The following SHLD1 variants were observed in gnomAD, a reference collection of about 807,000 sequenced individuals.
SHLD1 encodes shieldin complex subunit 1, also known as RINN1-REV7-interacting novel NHEJ regulator 3.
SHLD1 carries 3 observed loss-of-function variants against 5.5 expected under a neutral mutation model. The observed-to-expected ratio is 0.54, with a 90% confidence interval of 0.25 to 1.40. SHLD1 has a LOEUF of 1.40. SHLD1 is among the 40% of genes most tolerant of loss of function. The probability of loss-of-function intolerance (pLI) is 0.15; values close to 1 mark genes in which losing one functional copy is unlikely to be tolerated. For missense variants in SHLD1, 210 were observed against 244.4 expected, an observed-to-expected ratio of 0.86 and a Z score of 0.94; for synonymous variants, 92 against 94.3, an observed-to-expected ratio of 0.98 and a Z score of 0.14.
intron 2 of SHLD1, among the ~76,000 whole-genome samples, chr20:5,838,522 A>G (rs1316282453): frequency 1.3e-5 from 2 of 152,218 alleles, no homozygotes; most frequent in African/African-American, 4.8e-5. Context: ...ACACTTTGGG[A>G]GGCCAAGGCA....
At chr20:5,834,066 T>C (rs2087761871) in intron 2 of SHLD1, among the ~76,000 whole-genome samples, 2 of 152,246 alleles carry the variant, frequency 1.3e-5, no homozygotes, top group Non-Finnish European at 2.9e-5. Flanking sequence ...GATATCTGCC[T>C]ACTTTGTAGA....
intron 2 of SHLD1, among the ~76,000 whole-genome samples, chr20:5,860,837 G>C (rs1311722352): frequency 7.0e-6 from 1 of 143,428 alleles, no homozygotes; most frequent in South Asian, 2.2e-4. Context: ...TAAAAGCTCT[G>C]GGCATAGCAA....
intron 2 of SHLD1, among the ~76,000 whole-genome samples, chr20:5,839,475 A>C (rs2087828590): frequency 7.5e-6 from 1 of 133,210 alleles, no homozygotes; most frequent in African/African-American, 2.9e-5. Context: ...TGAATGGATA[A>C]ATTAGATAGA....
At chr20:5,760,497 A>T (rs1022070178) in intron 1 of SHLD1, among the ~76,000 whole-genome samples, 1 of 152,072 alleles carries the variant, frequency 6.6e-6, no homozygotes, top group African/African-American at 2.4e-5. Context: ...GTTCATGACC[A>T]GCCTGACCAA....
chr20:5,779,899 C>T (rs147909404), intron 2 of SHLD1, among the ~76,000 whole-genome samples: 58 of 151,620 alleles, frequency 3.8e-4, no homozygotes, highest in African/African-American at 1.3e-3. Flanking sequence ...CTGGCTCCCC[C>T]AGCTACTGGG....
chr20:5,822,746 TG>T (rs1368761540), intron 2 of SHLD1, among the ~76,000 whole-genome samples: 4 of 152,070 alleles, frequency 2.6e-5, no homozygotes, highest in African/African-American at 9.7e-5. Context: ...CCCTCACTCC[TG>T]CATTATCAAT....
chr20:5,804,024 T>C (rs908673092), intron 2 of SHLD1, among the ~76,000 whole-genome samples: 12 of 150,964 alleles, frequency 7.9e-5, no homozygotes, highest in Non-Finnish European at 1.5e-4. Context: ...ATATCATTAC[T>C]GTATGGCCGG....
At chr20:5,765,743 A>G (rs1349612355) in intron 1 of SHLD1, among the ~76,000 whole-genome samples, 1 of 148,552 alleles carries the variant, frequency 6.7e-6, no homozygotes, top group Non-Finnish European at 1.5e-5. Flanking sequence ...CTGAGTCCCA[A>G]ATAATGTATT....
At chr20:5,775,923 A>ATTTTTTTTTTGTTTTTTTTTTTT (rs1985403471) in intron 2 of SHLD1, among the ~76,000 whole-genome samples, 1 of 77,678 alleles carries the variant, frequency 1.3e-5, no homozygotes, top group African/African-American at 6.0e-5. Context: ...TCAGCTCAGG[A>ATTTTTTTTTTGTTTTTTTTTTTT]TTTTTTTTTT....
At chr20:5,861,454 A>T (rs2088161687) in intron 2 of SHLD1, among the ~76,000 whole-genome samples, 1 of 152,216 alleles carries the variant, frequency 6.6e-6, no homozygotes, top group African/African-American at 2.4e-5. Context: ...ACTTGTAATG[A>T]GTTGCCTTAA....
At position 5,863,040 on chromosome 20, in the gene SHLD1, T is replaced by C. The variant is rs1433218844; in HGVS notation, c.195T>C (p.Asn65=). Residue 65 remains asparagine, a synonymous_variant, in exon 3 of 3, where the codon AAT becomes AAC. Transcript: ENST00000303142. ...GTCTTGCAGACACCAGTAACTTAAA[T>C]ATAGAACAAAATAACTCCTGGACCG... ...SDVDPDTSNL[N]IEQNNSWTAE... 1.9e-6 allele frequency: 3 copies of C among 1,601,990 alleles called. No individual in the cohort carries two copies. Among genetic ancestry groups the C allele is most frequent in the Non-Finnish European group, 1.7e-6 (2 of 1,175,338 alleles).
chr20:5,861,573 C>T lies in SHLD1; in HGVS notation c.179-1451C>T, dbSNP rs553080150. Among the ~76,000 whole-genome samples the T allele has an allele frequency of 2.0e-5, 3 of 152,322 alleles. No individual in the cohort carries two copies. In the East Asian group the frequency reaches 5.8e-4, roughly 29 times the overall value. On this transcript the variant is annotated intron_variant, in intron 2 of 2. Transcript: ENST00000303142. Reference sequence around the variant, plus strand: ...ATATTCTTTTAGAATGTGCTGATAACTTCCGGATAATCTATTTCTCTGATC... The same window carrying T: ...ATATTCTTTTAGAATGTGCTGATAATTTCCGGATAATCTATTTCTCTGATC...
rs116889455 is a variant in SHLD1 at position 5,757,462 on chromosome 20, T to C, written c.-5+6983T>C. 1.2e-3 allele frequency among the ~76,000 whole-genome samples: 177 copies of C among 152,324 alleles called. 1 individual carries two copies. The East Asian group carries it at 0.029, about 25-fold the overall frequency. ...TGCCCTTTATCAGGTTGAGGAAGTT[T>C]ATTTCTATTCTAACTTTGTGGAGTA... On this transcript the variant is annotated intron_variant, in intron 1 of 2. Transcript: ENST00000303142.
chr20:5,786,797 T>G (rs930800153), intron 2 of SHLD1, among the ~76,000 whole-genome samples: 1 of 152,170 alleles, frequency 6.6e-6, no homozygotes, highest in African/African-American at 2.4e-5. Flanking sequence ...ATTTCTACAC[T>G]TTGATTCCCC....
intron 2 of SHLD1, among the ~76,000 whole-genome samples, chr20:5,844,789 A>ATTT (rs1568528971): frequency 2.0e-5 from 2 of 100,210 alleles, no homozygotes; most frequent in South Asian, 5.7e-4. Flanking sequence ...ATATATATAT[A>ATTT]TATATATATA....
chr20:5,752,738 C>A (rs893468616), intron 1 of SHLD1, among the ~76,000 whole-genome samples: 1 of 151,020 alleles, frequency 6.6e-6, no homozygotes, highest in Admixed American at 6.6e-5. Context: ...GTCTCAGCTT[C>A]TGGAGCAGCT....
At chr20:5,821,769 G>A (rs937325039) in intron 2 of SHLD1, among the ~76,000 whole-genome samples, 1 of 152,152 alleles carries the variant, frequency 6.6e-6, no homozygotes, top group Non-Finnish European at 1.5e-5. Flanking sequence ...GCCACCGGAT[G>A]CTTGGCTGGA....
rs774532609 is a variant in SHLD1 at position 5,863,017 on chromosome 20, C to T, written c.179-7C>T. ...GTTTGAGTATTGGAATACGTTTTGTCTTGCAGACACCAGTAACTTAAATAT... is the reference window on the plus strand; with the variant it reads ...GTTTGAGTATTGGAATACGTTTTGTTTTGCAGACACCAGTAACTTAAATAT... On this transcript the variant is annotated splice_polypyrimidine_tract_variant and splice_region_variant and intron_variant, in intron 2 of 2. Transcript: ENST00000303142. 6.4e-7 allele frequency: 1 copy of T among 1,571,362 alleles called. No homozygotes were observed. Among genetic ancestry groups the T allele is most frequent in the Admixed American group, 1.9e-5 (1 of 52,280 alleles).
At chr20:5,842,681 CTCTA>C (rs1295076476) in intron 2 of SHLD1, among the ~76,000 whole-genome samples, 5 of 151,780 alleles carry the variant, frequency 3.3e-5, no homozygotes, top group African/African-American at 4.8e-5. Context: ...TTATTTTTTT[CTCTA>C]TCTCTCTCTC....
Sources: gnomAD v4.1 joint callset for allele counts (sites outside exome capture counted in the v4.1 genomes callset) on GRCh38, gnomAD v4.1.1 for gene constraint, MANE v1.5 for transcripts, NCBI Gene and HGNC (gene_info 2026-07-23, HGNC 2026-07-21) for gene names.